Variants in CDC45 observed in about 807,000 individuals in gnomAD.
CDC45 encodes the protein cell division cycle 45.
Under a neutral mutation model 77.8 loss-of-function variants are expected in CDC45, and 54 were observed. The ratio of observed to expected loss-of-function variants is 0.69; its 90% CI spans 0.56 to 0.87. The LOEUF is 0.87. Among genes scored for constraint, CDC45 ranks in the 40% least tolerant of loss-of-function variants. The pLI, the probability that CDC45 is intolerant of heterozygous loss-of-function variation, is 0.00. For missense variants in CDC45, 649 were observed against 721.6 expected (o/e 0.90, Z 1.15); for synonymous variants, 260 against 272.1 (o/e 0.96, Z 0.44).
At chr22:19,485,708 C>T (rs2090056209) in intron 5 of CDC45, among the ~76,000 whole-genome samples, 1 of 152,102 alleles carries the variant, frequency 6.6e-6, no homozygotes, top group African/African-American at 2.4e-5. Flanking sequence ...CATAATTTCC[C>T]ACCAACTTTT....
Position 19,494,191 on chromosome 22 carries a change from G to A in CDC45, c.487-136G>A, listed in dbSNP as rs13447213. ...TCTTCCGTAGGAACAGGCTGTGCTC[G>A]GGGCACTGGTGTGACCGTGTTCTCT... On this transcript the variant is annotated intron_variant, in intron 5 of 18. Coordinates refer to ENST00000263201, the MANE Select transcript of CDC45 (RefSeq NM_003504.5). 1.4e-3 allele frequency: 1,007 copies of A among 733,532 alleles called. 9 individuals carry two copies. The African/African-American group carries it at 0.016, about 11-fold the overall frequency. The allele number at this position is 733,532 out of a possible 1,614,324, so 45.4% of individuals were successfully genotyped here. A position where few individuals can be genotyped will look rare whatever the true frequency, so the allele number is the denominator to read the frequency against.
chr22:19,492,823 A>G (rs749311472), intron 5 of CDC45, among the ~76,000 whole-genome samples: 10 of 152,124 alleles, frequency 6.6e-5, no homozygotes, highest in African/African-American at 2.2e-4. Flanking sequence ...CCTGATGTCT[A>G]TCACCTGGGG....
chr22:19,514,981 T>C lies in CDC45; in HGVS notation c.1373T>C (p.Met458Thr), dbSNP rs761547116. The change falls in exon 15 of 19, where the codon ATG (methionine) becomes ACG (threonine). Residue 458 changes from methionine (M) to threonine (T), a missense_variant. Transcript: ENST00000263201. ...CSLMEGTPDV[M>T]LFSRPASLSL... The stretch of plus-strand genomic sequence containing the variant: ...CCTCCGCAGGGCACTCCAGATGTCA[T>C]GCTGTTCTCTAGGCCGGCATCCCTA... 1.9e-6 allele frequency: 3 copies of C among 1,614,200 alleles called. No individual in the cohort carries two copies. Among genetic ancestry groups the C allele is most frequent in the Non-Finnish European group, 2.5e-6 (3 of 1,180,026 alleles).
At position 19,482,770 on chromosome 22, in the gene CDC45, C is replaced by T. The variant is rs1309379459; in HGVS notation, c.285C>T (p.Phe95=). The change falls in exon 4 of 19, where the codon TTC becomes TTT. Residue 95 remains phenylalanine (F), a synonymous_variant. Transcript: ENST00000263201. ...TTCAACCTGATGAAGACACTATATT[C>T]TTTGTGTGTGACACCCATAGGCCAG... ...DILQPDEDTI[F]FVCDTHRPVN... is the part of the protein sequence containing the mutation. 1 of 1,612,752 alleles carries T rather than the reference C, an allele frequency of 6.2e-7. No homozygotes were observed.
In CDC45 at chr22:19,494,354, A is replaced by T; in HGVS notation, c.514A>T (p.Arg172Trp). The T allele has an allele frequency of 1.2e-6, 2 of 1,613,104 alleles. No individual in the cohort carries two copies. Among genetic ancestry groups the T allele is most frequent in the Non-Finnish European group, 1.7e-6 (2 of 1,180,000 alleles). ...GATAGTGGAGCAAACCATGCGGAGG[A>T]GGCAGCGGCGAGAGTGGGAGGCCCG... ...EEIVEQTMRR[R>W]QRREWEARRR... The change falls in exon 6 of 19, where the codon AGG (arginine) becomes TGG (tryptophan). Residue 172 changes from arginine to tryptophan, a missense_variant. By Grantham distance (101) the Arg-to-Trp change is moderately radical. Coordinates refer to ENST00000263201, the MANE Select transcript of CDC45 (RefSeq NM_003504.5).
chr22:19,515,323 A>G (rs1183537927), intron 15 of CDC45, among the ~76,000 whole-genome samples: 2 of 152,100 alleles, frequency 1.3e-5, no homozygotes, highest in African/African-American at 2.4e-5. Flanking sequence ...CTTGTGTCCT[A>G]TTGTTGCAGG....
chr22:19,500,443 T>C (rs1307806736), intron 9 of CDC45, among the ~76,000 whole-genome samples: 1 of 152,178 alleles, frequency 6.6e-6, no homozygotes, highest in East Asian at 1.9e-4. Context: ...AGCTGCTTGG[T>C]GTCTCATTGC....
intron 10 of CDC45, 128 bp from the exon 11 acceptor site, chr22:19,507,258 G>A (rs1933244174): frequency 8.8e-7 from 1 of 1,132,376 alleles, no homozygotes; most frequent in Non-Finnish European, 1.3e-6. Context: ...GTCACTCTTG[G>A]GATACCTGGT....
chr22:19,486,283 T>A (rs2090065246), intron 5 of CDC45, among the ~76,000 whole-genome samples: 1 of 152,226 alleles, frequency 6.6e-6, no homozygotes. Flanking sequence ...ACATAAGAAA[T>A]TAATAATATC....
chr22:19,489,530 A>T (rs1254270021), intron 5 of CDC45, among the ~76,000 whole-genome samples: 3 of 152,200 alleles, frequency 2.0e-5, no homozygotes, highest in Non-Finnish European at 4.4e-5. Context: ...TTCGCTCTGC[A>T]TAATTCTTGG....
At chr22:19,507,277 C>T (rs999967242) in intron 10 of CDC45, 109 bp from the exon 11 acceptor site, 17 of 1,354,228 alleles carry the variant, frequency 1.3e-5, no homozygotes, top group African/African-American at 2.9e-5. Flanking sequence ...GTTTTGCAGG[C>T]AGGCCTGGTG....
At chr22:19,495,081 AC>A (rs953415611) in intron 6 of CDC45, among the ~76,000 whole-genome samples, 1 of 152,146 alleles carries the variant, frequency 6.6e-6, no homozygotes, top group African/African-American at 2.4e-5. Flanking sequence ...ATAATATAAA[AC>A]CATTTCAGGA....
In CDC45 at chr22:19,508,559, G is replaced by T; in HGVS notation, c.1085G>T (p.Ser362Ile). The T allele has an allele frequency of 6.2e-7, 1 of 1,614,216 alleles. No individual in the cohort carries two copies. The highest frequency in any genetic ancestry group is 8.5e-7 in the Non-Finnish European group (1 of 1,180,040). Residue 362 changes from serine (S) to isoleucine (I), a missense_variant, in exon 13 of 19, where the codon AGC becomes ATC. By Grantham distance (142) the Ser-to-Ile change is moderately radical. Coordinates refer to ENST00000263201, the MANE Select transcript of CDC45 (RefSeq NM_003504.5). ...AAGGACATGCGCGTGCAGACTTTCAGCATTCATTTTGGGTTCAAGCACAAG... is the reference window on the plus strand; with the variant it reads ...AAGGACATGCGCGTGCAGACTTTCATCATTCATTTTGGGTTCAAGCACAAG... ...GMKDMRVQTF[S>I]IHFGFKHKFL... is the part of the protein sequence containing the mutation.
intron 13 of CDC45, among the ~76,000 whole-genome samples, chr22:19,509,889 C>T (rs1226135465): frequency 6.6e-6 from 1 of 152,118 alleles, no homozygotes; most frequent in African/African-American, 2.4e-5. Flanking sequence ...TTTTCCACTG[C>T]TTTATTGAGA....
At chr22:19,517,652 CCT>C (rs1177080066) in intron 17 of CDC45, among the ~76,000 whole-genome samples, 1 of 152,140 alleles carries the variant, frequency 6.6e-6, no homozygotes, top group Non-Finnish European at 1.5e-5. Context: ...TCTCCTCAGG[CCT>C]CTCTCCTTGG....
At chr22:19,516,401 T>A in intron 15 of CDC45, 126 bp from the exon 16 acceptor site, 4 of 767,526 alleles carry the variant, frequency 5.2e-6, no homozygotes, top group East Asian at 2.5e-5. Context: ...GACCAAGGCG[T>A]CTCCTGGTGA....
At chr22:19,510,717 C>CG (rs1228385290) in intron 13 of CDC45, among the ~76,000 whole-genome samples, 1 of 152,048 alleles carries the variant, frequency 6.6e-6, no homozygotes, top group Non-Finnish European at 1.5e-5. Flanking sequence ...TTAATAGAGA[C>CG]GGGGTTTCAC....
Position 19,514,047 on chromosome 22 carries a change from G to A in CDC45, c.1218-702G>A, listed in dbSNP as rs1421280035. ...CTGTTCTTGGTTTAGGAATGTAAGAGTTGCACACATCTCTCTGAAGATACT... is the reference window on the plus strand; with the variant it reads ...CTGTTCTTGGTTTAGGAATGTAAGAATTGCACACATCTCTCTGAAGATACT... On this transcript the variant is annotated intron_variant, in intron 13 of 18. Transcript: ENST00000263201. Among the ~76,000 whole-genome samples the A allele has an allele frequency of 3.3e-5, 5 of 152,334 alleles. No individual in the cohort carries two copies. The East Asian group carries it at 9.6e-4, about 29-fold the overall frequency.
intron 6 of CDC45, 192 bp downstream of exon 6, chr22:19,494,574 A>G (rs1024006261): frequency 7.1e-6 from 11 of 1,548,572 alleles, no homozygotes; most frequent in Non-Finnish European, 9.6e-6. Context: ...CGGTCCCATG[A>G]GTGACAGGAC....
Sources: gnomAD v4.1 joint callset for allele counts (sites outside exome capture counted in the v4.1 genomes callset) on GRCh38, gnomAD v4.1.1 for gene constraint, MANE v1.5 for transcripts, NCBI Gene and HGNC (gene_info 2026-07-23, HGNC 2026-07-21) for gene names.